Variants in ACO2 observed in about 807,000 individuals in gnomAD.
ACO2 encodes the protein aconitate hydratase, mitochondrial.
In ACO2, 31 loss-of-function variants were observed where a neutral mutation model predicts 84.5. The observed-to-expected ratio is 0.37, with a 90% CI of 0.28 to 0.50. The LOEUF (loss-of-function observed/expected upper bound fraction) is 0.50, where lower values mean the gene tolerates loss of function less well. Ranked by LOEUF, ACO2 falls within the 20% of genes least tolerant of loss-of-function variation. The pLI is 0.97. For synonymous variants in ACO2, 414 were observed against 412.7 expected (o/e 1.00, Z -0.04); for missense variants, 685 against 1,029.3 (o/e 0.67, Z 4.58).
intron 15 of ACO2, chr22:41,526,870 C>G (rs1290203000): frequency 1.9e-5 from 6 of 310,504 alleles, no homozygotes; most frequent in Non-Finnish European, 3.0e-5. Flanking sequence ...AAGTCCTGGC[C>G]CAGCCGGGTG....
intron 11 of ACO2, among the ~76,000 whole-genome samples, chr22:41,523,537 C>T (rs1009861279): frequency 2.0e-5 from 3 of 152,238 alleles, no homozygotes; most frequent in Admixed American, 6.5e-5. Flanking sequence ...CTCACCCTGA[C>T]GGACACAGCA....
At chr22:41,513,631 GCTTT>G (rs2066453867) in intron 4 of ACO2, among the ~76,000 whole-genome samples, 2 of 152,138 alleles carry the variant, frequency 1.3e-5, no homozygotes, top group Admixed American at 1.3e-4. Flanking sequence ...TCTGCCAAGT[GCTTT>G]CTGCACTGGA....
intron 1 of ACO2, among the ~76,000 whole-genome samples, chr22:41,479,479 G>A (rs2038061682): frequency 1.3e-5 from 2 of 152,228 alleles, no homozygotes; most frequent in African/African-American, 4.8e-5. Flanking sequence ...GCACATGGAT[G>A]CAGATTTGAC....
intron 1 of ACO2, among the ~76,000 whole-genome samples, chr22:41,478,626 G>C (rs2038048215): frequency 2.0e-5 from 3 of 152,130 alleles, no homozygotes; most frequent in Admixed American, 1.3e-4. Context: ...GAGGCCTGGT[G>C]AGTATTTCTG....
intron 1 of ACO2, among the ~76,000 whole-genome samples, chr22:41,478,842 C>T (rs1217293547): frequency 6.7e-6 from 1 of 149,996 alleles, no homozygotes. Context: ...ACGATCTCTG[C>T]TCACTGCAAC....
intron 7 of ACO2, among the ~76,000 whole-genome samples, chr22:41,518,116 A>G (rs1001257178): frequency 6.6e-6 from 1 of 152,178 alleles, no homozygotes; most frequent in Admixed American, 6.5e-5. Context: ...GCGTTGTGGG[A>G]GTGAACGAGG....
At chr22:41,498,203 C>T (rs753664264) in intron 1 of ACO2, among the ~76,000 whole-genome samples, 22 of 151,804 alleles carry the variant, frequency 1.4e-4, no homozygotes, top group Admixed American at 7.2e-4. Flanking sequence ...TCCCAGCTAC[C>T]GAGGAGGCTA....
At chr22:41,527,234 G>A in intron 15 of ACO2, 54 bp from the exon 16 acceptor site, 1 of 1,613,494 alleles carries the variant, frequency 6.2e-7, no homozygotes, top group African/African-American at 1.3e-5. Context: ...GGGCCAGACA[G>A]GTGAGGACGG....
intron 1 of ACO2, among the ~76,000 whole-genome samples, chr22:41,494,506 G>A (rs1238177944): frequency 6.6e-6 from 1 of 151,252 alleles, no homozygotes; most frequent in Non-Finnish European, 1.5e-5. Context: ...CCACTTCCCG[G>A]GTTCAAGCGA....
chr22:41,481,449 C>T (rs1017307165), intron 1 of ACO2, among the ~76,000 whole-genome samples: 1 of 152,228 alleles, frequency 6.6e-6, no homozygotes, highest in Admixed American at 6.5e-5. Flanking sequence ...GGCTCCCCAA[C>T]AAGCAGTGCT....
At position 41,523,233 on chromosome 22, in the gene ACO2, T is replaced by C. The variant is rs771868586; in HGVS notation, c.1325T>C (p.Ile442Thr). The C allele has an allele frequency of 4.3e-6, 7 of 1,613,196 alleles. No individual in the cohort carries two copies. In the East Asian group the frequency reaches 8.9e-5, roughly 21 times the overall value. The change falls in exon 11 of 18, where the codon ATT becomes ACT. Residue 442 changes from isoleucine to threonine, a missense_variant. By Grantham distance (89) the Ile-to-Thr change is moderately conservative. Around this residue, in one of 5 missense-constraint regions of ACO2, gnomAD observed 311 missense variants for 441.6 expected, o/e 0.70. Transcript: ENST00000216254. Reference protein sequence around the residue: ...YAQILRDLGGIVLANACGPCI... With the variant: ...YAQILRDLGGTVLANACGPCI... Reference sequence around the variant, plus strand: ...CAGATCTTGAGGGATCTGGGTGGCATTGTCCTGGCCAATGCTTGTGGCCCC... The same window carrying C: ...CAGATCTTGAGGGATCTGGGTGGCACTGTCCTGGCCAATGCTTGTGGCCCC...
At chr22:41,527,246 G>A in intron 15 of ACO2, 42 bp from the exon 16 acceptor site, 2 of 1,613,226 alleles carry the variant, frequency 1.2e-6, no homozygotes, top group Non-Finnish European at 1.7e-6. Context: ...TGAGGACGGT[G>A]CCCTCCTCTG....
chr22:41,524,788 T>C, intron 12 of ACO2, 58 bp from the exon 13 acceptor site: 1 of 1,612,796 alleles, frequency 6.2e-7, no homozygotes, highest in Non-Finnish European at 8.5e-7. Context: ...TTTTGGTAGG[T>C]GCAGGAGACA....
At chr22:41,492,103 A>C (rs1208111848) in intron 1 of ACO2, among the ~76,000 whole-genome samples, 1 of 152,246 alleles carries the variant, frequency 6.6e-6, no homozygotes, top group African/African-American at 2.4e-5. Flanking sequence ...GTGAGATGGG[A>C]ATAAGTTACT....
intron 7 of ACO2, 82 bp downstream of exon 7, chr22:41,517,713 TA>T: frequency 1.6e-6 from 2 of 1,280,194 alleles, no homozygotes; most frequent in Non-Finnish European, 2.3e-6. Flanking sequence ...CCTTTCCCTG[TA>T]GGGCAGGGGT....
intron 1 of ACO2, among the ~76,000 whole-genome samples, chr22:41,471,383 G>A (rs1333005199): frequency 3.9e-5 from 6 of 152,122 alleles, no homozygotes; most frequent in East Asian, 1.9e-4. Context: ...CAACTAACAC[G>A]GTTTCTCTGA....
At chr22:41,483,817 A>G (rs1296843639) in intron 1 of ACO2, among the ~76,000 whole-genome samples, 3 of 152,140 alleles carry the variant, frequency 2.0e-5, no homozygotes. Context: ...TTCTCTCAAA[A>G]CGACAGTAAT....
chr22:41,520,135 C>G, intron 8 of ACO2, 36 bp from the exon 9 acceptor site: 1 of 1,573,728 alleles, frequency 6.4e-7, no homozygotes, highest in Non-Finnish European at 8.7e-7. Flanking sequence ...TTTCTTCCCT[C>G]CTCTCTTTCT....
intron 1 of ACO2, among the ~76,000 whole-genome samples, chr22:41,495,101 A>G (rs1296289121): frequency 6.6e-6 from 1 of 151,962 alleles, no homozygotes; most frequent in Non-Finnish European, 1.5e-5. Flanking sequence ...TTCATAGCTC[A>G]CTGCAGTCTG....
Sources: gnomAD v4.1 joint callset for allele counts (sites outside exome capture counted in the v4.1 genomes callset) on GRCh38, gnomAD v4.1.1 for gene constraint, gnomAD v4.1.1 regional missense constraint, MANE v1.5 for transcripts, NCBI Gene and HGNC (gene_info 2026-07-23, HGNC 2026-07-21) for gene names.